NUP133: variants seen among roughly 807,000 people sequenced by gnomAD.
NUP133 encodes nuclear pore complex protein Nup133.
Under a neutral mutation model 146.2 loss-of-function variants are expected in NUP133, and 66 were observed. The observed-to-expected ratio is 0.45, with a 90% confidence interval of 0.37 to 0.55. The LOEUF (loss-of-function observed/expected upper bound fraction) is 0.55, where lower values mean the gene tolerates loss of function less well. Among genes scored for constraint, NUP133 ranks in the 20% least tolerant of loss-of-function variants. NUP133 has a pLI of 0.00. For missense variants in NUP133, 1,277 were observed against 1,374.8 expected (o/e 0.93, Z 1.12); for synonymous variants, 521 against 498.8 (o/e 1.04, Z -0.59).
intron 1 of NUP133, chr1:229,507,824 C>T (rs1558112452): frequency 4.1e-6 from 3 of 732,656 alleles, no homozygotes; most frequent in Non-Finnish European, 5.0e-6. Flanking sequence ...GATGCAAATC[C>T]AGTTTGTACT....
At position 229,477,739 on chromosome 1, in the gene NUP133, T is replaced by TTGAGCA. The variant is rs1360816247; in HGVS notation, c.1608_1613dup (p.His536_Ala537dup). The TTGAGCA allele has an allele frequency of 6.2e-7, 1 of 1,613,252 alleles. No individual in the cohort carries two copies. Among genetic ancestry groups the TTGAGCA allele is most frequent in the Non-Finnish European group, 8.5e-7 (1 of 1,179,642 alleles). On this transcript the variant is annotated inframe_insertion, in exon 13 of 26. Coordinates refer to ENST00000261396, the MANE Select transcript of NUP133 (RefSeq NM_018230.3). ...AGGAAAAGAGCTCATCAACCACCAT[T>TTGAGCA]TGAGCATGACCTAAATCTTTTCTGA...
intron 1 of NUP133, 48 bp from the exon 2 acceptor site, chr1:229,506,206 A>C: frequency 2.9e-6 from 3 of 1,048,902 alleles, no homozygotes; most frequent in Non-Finnish European, 2.8e-6. Context: ...AAAATTCTCC[A>C]TTATCCTAAT....
At chr1:229,465,022 C>A in intron 17 of NUP133, 147 bp from the exon 18 acceptor site, 1 of 909,412 alleles carries the variant, frequency 1.1e-6, no homozygotes, top group South Asian at 1.7e-5. Context: ...CAATGCCCTG[C>A]TTGAATCCCA....
At position 229,498,776 on chromosome 1, in the gene NUP133, A is replaced by C. The variant is rs558674023; in HGVS notation, c.649-470T>G. The stretch of plus-strand genomic sequence containing the variant: ...GTCTCGAAAAAAGAAAAAAAAAAAA[A>C]ACAACTTTTGTAGCAGAAAAAAATT... On this transcript the variant is annotated intron_variant, in intron 5 of 25. Coordinates refer to ENST00000261396, the MANE Select transcript of NUP133 (RefSeq NM_018230.3). Among the ~76,000 whole-genome samples, 53 of 152,006 alleles carry C rather than the reference A, an allele frequency of 3.5e-4. 3 individuals are homozygous for C. The South Asian group carries it at 9.6e-3, about 27-fold the overall frequency.
intron 9 of NUP133, 79 bp from the exon 10 acceptor site, chr1:229,487,692 A>G: frequency 9.2e-7 from 1 of 1,092,168 alleles, no homozygotes; most frequent in Admixed American, 2.6e-5. Context: ...TCATTTTTGT[A>G]CATTATTTCA....
chr1:229,501,093 G>A (rs538703581), intron 3 of NUP133, among the ~76,000 whole-genome samples: 387 of 152,324 alleles, frequency 2.5e-3, no homozygotes, highest in African/African-American at 9.0e-3. Context: ...AAACTCTGAA[G>A]AACAACTATC....
chr1:229,468,326 T>C (rs1660871317), intron 15 of NUP133, among the ~76,000 whole-genome samples: 1 of 152,176 alleles, frequency 6.6e-6, no homozygotes, highest in Admixed American at 6.5e-5. Context: ...GAAGGACAGG[T>C]AAAAAGAAAG....
intron 12 of NUP133, among the ~76,000 whole-genome samples, chr1:229,480,048 A>G (rs183894687): frequency 6.6e-6 from 1 of 152,168 alleles, no homozygotes; most frequent in East Asian, 1.9e-4. Flanking sequence ...GTGAAGCAGG[A>G]GAGAGTGGCC....
intron 7 of NUP133, 78 bp from the exon 8 acceptor site, chr1:229,495,643 G>T: frequency 9.1e-7 from 1 of 1,098,422 alleles, no homozygotes; most frequent in Non-Finnish European, 1.3e-6. Context: ...CTAGTACCTA[G>T]TGAAGTGCTT....
Position 229,477,685 on chromosome 1 carries a change from T to C in NUP133, c.1668A>G (p.Glu556=). The change falls in exon 13 of 26, where the codon GAA becomes GAG. Residue 556 remains glutamate (E), a synonymous_variant. Coordinates refer to ENST00000261396, the MANE Select transcript of NUP133 (RefSeq NM_018230.3). ...SSHSDLDSDS[E]LDRAVTQISV... Reference sequence around the variant, plus strand: ...TGATTTGGGTAACTGCCCTGTCTAGTTCAGAATCAGAATCCAAATCAGAGT... The same window carrying C: ...TGATTTGGGTAACTGCCCTGTCTAGCTCAGAATCAGAATCCAAATCAGAGT... 6.2e-7 allele frequency: 1 copy of C among 1,613,972 alleles called. No homozygotes were observed. The highest frequency in any genetic ancestry group is 8.5e-7 in the Non-Finnish European group (1 of 1,179,942).
intron 18 of NUP133, 128 bp from the exon 19 acceptor site, chr1:229,463,804 T>C: frequency 9.7e-7 from 1 of 1,034,236 alleles, no homozygotes; most frequent in Non-Finnish European, 1.4e-6. Flanking sequence ...AATGGAAACC[T>C]TCCCACTTAC....
chr1:229,487,667 TATGA>T, intron 9 of NUP133, 54 bp from the exon 10 acceptor site: 1 of 1,346,796 alleles, frequency 7.4e-7, no homozygotes, highest in Non-Finnish European at 1.0e-6. Flanking sequence ...AAAATATTTG[TATGA>T]TTTTTTAAAT....
rs778425361 is a variant in NUP133, at chr1:229,508,085, A to T, written c.165T>A (p.Arg55=). 3 of 1,502,546 alleles carry T rather than the reference A, an allele frequency of 2.0e-6. No individual in the cohort carries two copies. The South Asian group carries it at 3.8e-5, about 19-fold the overall frequency. The allele number at this position is 1,502,546 out of a possible 1,614,324, so 93.1% of individuals were successfully genotyped here. Reference sequence around the variant, plus strand: ...TCACTTACCGCGAGCTTAGCGAGCTACGCCGGCCGACCGGCGAGAAGAGCA... The same window carrying T: ...TCACTTACCGCGAGCTTAGCGAGCTTCGCCGGCCGACCGGCGAGAAGAGCA... ...SPVLFSPVGR[R]SSLSSRGTPT... Residue 55 remains arginine, a synonymous_variant, in exon 1 of 26, where the codon CGT becomes CGA. Transcript: ENST00000261396.
At chr1:229,458,405 T>A in intron 20 of NUP133, 109 bp from the exon 21 acceptor site, 1 of 1,070,872 alleles carries the variant, frequency 9.3e-7, no homozygotes, top group Middle Eastern at 2.1e-4. Context: ...TATCAATGAA[T>A]GAGAAGTCAA....
chr1:229,484,025 T>C, intron 12 of NUP133, 29 bp downstream of exon 12: 1 of 1,487,996 alleles, frequency 6.7e-7, no homozygotes, highest in Non-Finnish European at 9.3e-7. Context: ...ACACATAAAA[T>C]AATCCATAAT....
intron 2 of NUP133, among the ~76,000 whole-genome samples, chr1:229,502,572 A>AG (rs1235170464): frequency 2.0e-5 from 3 of 150,092 alleles, no homozygotes; most frequent in Non-Finnish European, 4.5e-5. Flanking sequence ...AAAAAAAAAA[A>AG]AAAAAAAAGA....
intron 22 of NUP133, among the ~76,000 whole-genome samples, chr1:229,451,628 A>ATAAC (rs34448956): frequency 0.054 from 8,195 of 152,222 alleles, 645 homozygotes; most frequent in African/African-American, 0.18. Flanking sequence ...CCCAAAAACT[A>ATAAC]TAATTTCATT....
chr1:229,505,942 G>A lies in NUP133; in HGVS notation c.301+98C>T, dbSNP rs1661923950. 22 of 694,570 alleles carry A rather than the reference G, an allele frequency of 3.2e-5. No homozygotes were observed. In the East Asian group the frequency reaches 3.3e-4, roughly 11 times the overall value. 43.0% of individuals were successfully genotyped at this position (694,570 alleles called of 1,614,324 possible). A position where few individuals can be genotyped will look rare whatever the true frequency, so the allele number is the denominator to read the frequency against. ...AGGCCACCCATCTCTCACCATTTACGTAAAGGTATACTAGAGAAAACATAA... is the reference window on the plus strand; with the variant it reads ...AGGCCACCCATCTCTCACCATTTACATAAAGGTATACTAGAGAAAACATAA... On this transcript the variant is annotated intron_variant, in intron 2 of 25. Coordinates refer to ENST00000261396, the MANE Select transcript of NUP133 (RefSeq NM_018230.3).
At chr1:229,463,724 A>G (rs1442571631) in intron 18 of NUP133, 48 bp from the exon 19 acceptor site, 3 of 1,531,656 alleles carry the variant, frequency 2.0e-6, no homozygotes, top group Non-Finnish European at 2.6e-6. Context: ...GCAAAACTTA[A>G]AATCTGTAAT....
Sources: allele counts gnomAD v4.1 joint callset (sites outside exome capture counted in the v4.1 genomes callset), GRCh38; gene constraint gnomAD v4.1.1; transcripts MANE v1.5; gene names NCBI Gene and HGNC (gene_info 2026-07-23, HGNC 2026-07-21).